Variants in TTLL5 observed in about 807,000 individuals in gnomAD.
TTLL5 encodes tubulin tyrosine ligase like 5, also known as tubulin polyglutamylase TTLL5.
Under a neutral mutation model 168.4 loss-of-function variants are expected in TTLL5, and 132 were observed. The ratio of observed to expected loss-of-function variants is 0.78; its 90% CI spans 0.68 to 0.91. TTLL5 has a LOEUF of 0.91. Among genes scored for constraint, TTLL5 ranks in the 40% least tolerant of loss-of-function variants. The probability of loss-of-function intolerance (pLI) is 0.00; values close to 1 mark genes in which losing one functional copy is unlikely to be tolerated. For synonymous variants in TTLL5, 546 were observed against 558.6 expected (o/e 0.98, Z 0.32); for missense variants, 1,545 against 1,581.5 (o/e 0.98, Z 0.39).
intron 28 of TTLL5, among the ~76,000 whole-genome samples, chr14:75,849,712 A>G (rs1433852668): frequency 6.6e-6 from 1 of 152,232 alleles, no homozygotes; most frequent in Non-Finnish European, 1.5e-5. Flanking sequence ...CCAGGGGACT[A>G]CAAAGGAATG....
chr14:75,715,108 C>T (rs1302756666), intron 9 of TTLL5, among the ~76,000 whole-genome samples: 1 of 151,932 alleles, frequency 6.6e-6, no homozygotes, highest in Non-Finnish European at 1.5e-5. Context: ...TTTATTTGCT[C>T]AATTCCTTTG....
chr14:75,792,425 A>G (rs1566606599), intron 26 of TTLL5, among the ~76,000 whole-genome samples: 1 of 151,962 alleles, frequency 6.6e-6, no homozygotes, highest in Admixed American at 6.6e-5. Flanking sequence ...AAAAAAGAAA[A>G]TATAAGATTA....
chr14:75,683,590 G>C lies in TTLL5; in HGVS notation c.305G>C (p.Gly102Ala). The change falls in exon 5 of 32, where the codon GGA (glycine) becomes GCA (alanine). Residue 102 changes from glycine to alanine, a missense_variant. Physicochemically the swap from Gly to Ala is moderately conservative, Grantham distance 60. Transcript: ENST00000298832. The part of the protein sequence containing the change: ...SSTDYNLMWT[G>A]SHLKPFLLRT... ...ACTGACTATAACCTAATGTGGACAG[G>C]ATCCCACCTGAAGCCCTTCTTACTG... The C allele has an allele frequency of 6.2e-7, 1 of 1,613,976 alleles. No individual in the cohort carries two copies. The highest frequency in any genetic ancestry group is 8.5e-7 in the Non-Finnish European group (1 of 1,179,938).
chr14:75,748,660 G>A (rs538176714), intron 17 of TTLL5, among the ~76,000 whole-genome samples: 1 of 152,228 alleles, frequency 6.6e-6, no homozygotes, highest in African/African-American at 2.4e-5. Context: ...GCTTTAAAAG[G>A]TAATGCTTTA....
chr14:75,840,420 G>A (rs530097892), intron 28 of TTLL5, among the ~76,000 whole-genome samples: 4 of 141,098 alleles, frequency 2.8e-5, no homozygotes, highest in Admixed American at 1.4e-4. Flanking sequence ...GACAGGCCCC[G>A]GTGTGTGATG....
intron 18 of TTLL5, among the ~76,000 whole-genome samples, chr14:75,757,270 G>A (rs901567339): frequency 5.3e-5 from 8 of 152,204 alleles, no homozygotes; most frequent in Admixed American, 2.6e-4. Context: ...GAGCCAATGC[G>A]CCCGTCCTTT....
intron 28 of TTLL5, among the ~76,000 whole-genome samples, chr14:75,841,203 G>A (rs1896218410): frequency 6.6e-6 from 1 of 152,166 alleles, no homozygotes. Context: ...ATTTGGAGGG[G>A]ACAAACAGCC....
intron 26 of TTLL5, among the ~76,000 whole-genome samples, chr14:75,788,400 A>G (rs1371021251): frequency 6.6e-6 from 1 of 152,132 alleles, no homozygotes; most frequent in African/African-American, 2.4e-5. Flanking sequence ...AAGAGAAGAC[A>G]TGGATAAATA....
At position 75,892,457 on chromosome 14, in the gene TTLL5, T is replaced by A. The variant is rs74067060; in HGVS notation, c.3740+9555T>A. Among the ~76,000 whole-genome samples the A allele has an allele frequency of 8.8e-3, 1,344 of 152,288 alleles. 18 individuals are homozygous for A. The highest frequency in any genetic ancestry group is 0.031 in the African/African-American group (1,277 of 41,548). On this transcript the variant is annotated intron_variant, in intron 30 of 31. Transcript: ENST00000298832. ...AGAGGAGAACCTAAAGCCACGCTCA[T>A]TACTTGAAAATAATTGATTTTCAAC...
intron 16 of TTLL5, 68 bp from the exon 17 acceptor site, chr14:75,745,422 T>C: frequency 6.7e-7 from 1 of 1,499,812 alleles, no homozygotes; most frequent in Non-Finnish European, 9.3e-7. Context: ...ACTATCTTCC[T>C]TTGTCCTATA....
At chr14:75,749,223 G>C (rs1271135220) in intron 17 of TTLL5, among the ~76,000 whole-genome samples, 1 of 151,948 alleles carries the variant, frequency 6.6e-6, no homozygotes, top group Non-Finnish European at 1.5e-5. Flanking sequence ...TAATGAAAGG[G>C]GGACCATTTA....
chr14:75,726,829 A>G (rs879446065), intron 12 of TTLL5, among the ~76,000 whole-genome samples: 1 of 152,214 alleles, frequency 6.6e-6, no homozygotes, highest in Non-Finnish European at 1.5e-5. Context: ...AGCCACTGGA[A>G]GTTTTTGAGC....
intron 12 of TTLL5, among the ~76,000 whole-genome samples, chr14:75,721,775 T>C (rs1223415571): frequency 6.6e-6 from 1 of 152,196 alleles, no homozygotes; most frequent in Non-Finnish European, 1.5e-5. Context: ...AAATTATTTG[T>C]TATTTTTGTA....
chr14:75,797,404 C>T (rs1893053296), intron 27 of TTLL5, among the ~76,000 whole-genome samples: 1 of 151,590 alleles, frequency 6.6e-6, no homozygotes, highest in African/African-American at 2.4e-5. Context: ...ATTTGAATGC[C>T]CTTATTTCTC....
chr14:75,844,136 C>T lies in TTLL5; in HGVS notation c.3327-19531C>T, dbSNP rs541554554. Among the ~76,000 whole-genome samples, 312 of 152,192 alleles carry T rather than the reference C, an allele frequency of 2.1e-3. 1 individual carries two copies. Among genetic ancestry groups the T allele is most frequent in the African/African-American group, 7.2e-3 (300 of 41,510 alleles). ...GACCTCATGATCCGCCCGCCTCAGCCTCCCAAAGTGCTGGGATTACAGACG... is the reference window on the plus strand; with the variant it reads ...GACCTCATGATCCGCCCGCCTCAGCTTCCCAAAGTGCTGGGATTACAGACG... On this transcript the variant is annotated intron_variant, in intron 28 of 31. Coordinates refer to ENST00000298832, the MANE Select transcript of TTLL5 (RefSeq NM_015072.5).
intron 31 of TTLL5, chr14:75,930,536 T>C: frequency 6.5e-6 from 6 of 922,574 alleles, no homozygotes; most frequent in Non-Finnish European, 6.5e-6. Flanking sequence ...GTCACAAGCA[T>C]TTTGAATAAA....
chr14:75,936,469 T>C (rs2034435857), intron 31 of TTLL5, among the ~76,000 whole-genome samples: 1 of 152,228 alleles, frequency 6.6e-6, no homozygotes, highest in South Asian at 2.1e-4. Context: ...TCGCTTTGTA[T>C]TTCTCATCAC....
In TTLL5 at chr14:75,791,105, C is replaced by CAAAAAAAAAAAAAAAA. The variant is rs372035829; in HGVS notation, c.2987-1807_2987-1792dup. Among the ~76,000 whole-genome samples the CAAAAAAAAAAAAAAAA allele has an allele frequency of 4.3e-4, 33 of 77,268 alleles. 3 individuals carry two copies. Among genetic ancestry groups the CAAAAAAAAAAAAAAAA allele is most frequent in the African/African-American group, 2.1e-3 (27 of 13,152 alleles). 50.7% of individuals were successfully genotyped at this position (77,268 alleles called of 152,430 possible). Reference sequence around the variant, plus strand: ...TGGGTGACAGAGCAAGACTCTGTCTCAAAAAAAAAAAAAAAAAAATACCAC... The same window carrying CAAAAAAAAAAAAAAAA: ...TGGGTGACAGAGCAAGACTCTGTCTCAAAAAAAAAAAAAAAAAAAAAAAAAAAAAAAAAAATACCAC... On this transcript the variant is annotated intron_variant, in intron 26 of 31. Coordinates refer to ENST00000298832, the MANE Select transcript of TTLL5 (RefSeq NM_015072.5).
intron 26 of TTLL5, among the ~76,000 whole-genome samples, chr14:75,792,352 C>T (rs1892775509): frequency 6.6e-6 from 1 of 151,062 alleles, no homozygotes; most frequent in Non-Finnish European, 1.5e-5. Context: ...TGCACATGTA[C>T]CCTAGAACTT....
Sources: gnomAD v4.1 joint callset for allele counts (sites outside exome capture counted in the v4.1 genomes callset) on GRCh38, gnomAD v4.1.1 for gene constraint, MANE v1.5 for transcripts, NCBI Gene and HGNC (gene_info 2026-07-23, HGNC 2026-07-21) for gene names.